Variants in TCF7L2 observed in about 807,000 individuals in gnomAD.
TCF7L2 encodes the protein transcription factor 7-like 2.
TCF7L2 carries 23 observed loss-of-function variants against 77.9 expected under a neutral mutation model. That is an observed-to-expected ratio of 0.30 (90% CI 0.21 to 0.42). TCF7L2 has a LOEUF of 0.42. Among genes scored for constraint, TCF7L2 ranks in the 10% least tolerant of loss-of-function variants. TCF7L2 has a pLI of 1.00. For missense variants in TCF7L2, 654 were observed against 793.1 expected (o/e 0.82, Z 2.11); for synonymous variants, 413 against 340.2 (o/e 1.21, Z -2.36).
intron 4 of TCF7L2, among the ~76,000 whole-genome samples, chr10:112,986,882 C>A (rs955988608): frequency 2.0e-4 from 30 of 152,270 alleles, no homozygotes; most frequent in Non-Finnish European, 3.1e-4. Context: ...TGGACCTGAA[C>A]AAGTCCAGCC....
intron 8 of TCF7L2, among the ~76,000 whole-genome samples, chr10:113,146,384 A>C (rs1031733233): frequency 6.6e-6 from 1 of 152,204 alleles, no homozygotes; most frequent in Non-Finnish European, 1.5e-5. Flanking sequence ...TAAAAATGCC[A>C]TTTCTCTGTT....
chr10:113,016,827 T>C (rs1293929980), intron 4 of TCF7L2, among the ~76,000 whole-genome samples: 1 of 152,126 alleles, frequency 6.6e-6, no homozygotes, highest in Non-Finnish European at 1.5e-5. Flanking sequence ...CACTGTCCCC[T>C]GAATGCCTCC....
chr10:112,990,366 G>A (rs536211549), intron 4 of TCF7L2, among the ~76,000 whole-genome samples: 7 of 152,100 alleles, frequency 4.6e-5, no homozygotes, highest in East Asian at 1.9e-4. Flanking sequence ...TCCCCGTCCC[G>A]TAAGTTTCTG....
Position 113,110,963 on chromosome 10 carries a change from A to G in TCF7L2, c.553-30221A>G, listed in dbSNP as rs2063052600. Among the ~76,000 whole-genome samples the G allele has an allele frequency of 3.3e-5, 5 of 152,148 alleles. No individual in the cohort carries two copies. The South Asian group carries it at 1.0e-3, about 32-fold the overall frequency. Reference sequence around the variant, plus strand: ...TAACACCATATTCCCCAAGTCTGTAATGTTCTCTGACCTCCAGTGCAAATA... The same window carrying G: ...TAACACCATATTCCCCAAGTCTGTAGTGTTCTCTGACCTCCAGTGCAAATA... On this transcript the variant is annotated intron_variant, in intron 5 of 13. Transcript: ENST00000627217.
At chr10:113,135,100 G>A (rs545424251) in intron 5 of TCF7L2, among the ~76,000 whole-genome samples, 6 of 152,202 alleles carry the variant, frequency 3.9e-5, no homozygotes, top group African/African-American at 1.2e-4. Flanking sequence ...TGGGGTCGGG[G>A]TGAGAGGGGG....
chr10:113,101,251 C>T (rs1171155437), intron 5 of TCF7L2, among the ~76,000 whole-genome samples: 1 of 152,114 alleles, frequency 6.6e-6, no homozygotes, highest in Non-Finnish European at 1.5e-5. Context: ...GAGGATATAT[C>T]TTATCTCATA....
intron 5 of TCF7L2, among the ~76,000 whole-genome samples, chr10:113,106,323 A>C (rs560402688): frequency 1.3e-5 from 2 of 152,330 alleles, no homozygotes; most frequent in African/African-American, 2.4e-5. Context: ...GACTGCTGTA[A>C]GATCAAGCAA....
chr10:113,070,793 T>C (rs1416642518), intron 5 of TCF7L2, among the ~76,000 whole-genome samples: 1 of 152,170 alleles, frequency 6.6e-6, no homozygotes, highest in Admixed American at 6.5e-5. Flanking sequence ...GAGATATAAT[T>C]CACATACCTT....
At chr10:113,019,424 C>T (rs767216501) in intron 4 of TCF7L2, among the ~76,000 whole-genome samples, 18 of 151,956 alleles carry the variant, frequency 1.2e-4, no homozygotes, top group East Asian at 1.9e-4. Flanking sequence ...TGGGTGGTGG[C>T]GAGAAGTAGG....
intron 5 of TCF7L2, among the ~76,000 whole-genome samples, chr10:113,100,968 G>T (rs572233160): frequency 6.6e-6 from 1 of 152,168 alleles, no homozygotes; most frequent in South Asian, 2.1e-4. Context: ...CCAGCTACTC[G>T]GGAGGCTGAG....
chr10:113,022,881 C>T (rs1321072495), intron 4 of TCF7L2, among the ~76,000 whole-genome samples: 1 of 152,204 alleles, frequency 6.6e-6, no homozygotes, highest in African/African-American at 2.4e-5. Flanking sequence ...TTTATATCCT[C>T]TTAGCCCAAT....
rs1490454839 is a variant in TCF7L2, at chr10:113,116,862, T to C, written c.553-24322T>C. Among the ~76,000 whole-genome samples the C allele has an allele frequency of 5.3e-5, 8 of 152,318 alleles. No individual in the cohort carries two copies. The East Asian group carries it at 1.5e-3, about 29-fold the overall frequency. On this transcript the variant is annotated intron_variant, in intron 5 of 13. Coordinates refer to ENST00000627217, the MANE Select transcript of TCF7L2 (RefSeq NM_001146274.2). Reference sequence around the variant, plus strand: ...AAAGAAAATCATTAATCTTCTCAAATGCAAGTGTAAAGTTGATCCATTTTA... The same window carrying C: ...AAAGAAAATCATTAATCTTCTCAAACGCAAGTGTAAAGTTGATCCATTTTA...
intron 1 of TCF7L2, 72 bp from the exon 2 acceptor site, chr10:112,951,131 ATTCT>A (rs2030948083): frequency 4.4e-6 from 5 of 1,126,458 alleles, no homozygotes; most frequent in Non-Finnish European, 3.8e-6. Context: ...GACCTCGCCG[ATTCT>A]TTTTCTCCCC....
chr10:113,073,407 C>T (rs151074337), intron 5 of TCF7L2, among the ~76,000 whole-genome samples: 3 of 148,314 alleles, frequency 2.0e-5, no homozygotes, highest in South Asian at 2.1e-4. Context: ...TGGCTCACTC[C>T]GTAATTCCGG....
At chr10:112,973,947 C>T (rs1181488869) in intron 4 of TCF7L2, among the ~76,000 whole-genome samples, 1 of 152,052 alleles carries the variant, frequency 6.6e-6, no homozygotes, top group East Asian at 1.9e-4. Context: ...TGATACAGTC[C>T]ATTTTAATAG....
intron 4 of TCF7L2, among the ~76,000 whole-genome samples, chr10:112,984,748 G>C (rs940453543): frequency 5.9e-5 from 9 of 152,260 alleles, no homozygotes; most frequent in Admixed American, 2.6e-4. Flanking sequence ...TCCTAGGTCT[G>C]CTATTAAATT....
At chr10:113,075,079 C>T (rs1449585916) in intron 5 of TCF7L2, among the ~76,000 whole-genome samples, 2 of 152,184 alleles carry the variant, frequency 1.3e-5, no homozygotes, top group Non-Finnish European at 2.9e-5. Context: ...ACCTTGATCT[C>T]CTGGGCTGAA....
chr10:113,128,670 G>C (rs12762384), intron 5 of TCF7L2, among the ~76,000 whole-genome samples: 9 of 152,088 alleles, frequency 5.9e-5, no homozygotes, highest in Non-Finnish European at 1.2e-4. Flanking sequence ...CTTGGGGTGG[G>C]AAAAGACCGG....
chr10:113,118,077 C>T (rs1451388718), intron 5 of TCF7L2, among the ~76,000 whole-genome samples: 2 of 151,870 alleles, frequency 1.3e-5, no homozygotes, highest in African/African-American at 4.8e-5. Context: ...CCAACCATTT[C>T]CAGGACTCGC....
Sources: gnomAD v4.1 joint callset for allele counts (sites outside exome capture counted in the v4.1 genomes callset) on GRCh38, gnomAD v4.1.1 for gene constraint, MANE v1.5 for transcripts, NCBI Gene and HGNC (gene_info 2026-07-23, HGNC 2026-07-21) for gene names.